Variants in KIAA1328 observed in about 807,000 individuals in gnomAD.
KIAA1328 encodes KIAA1328, also known as protein hinderin.
Under a neutral mutation model 68.1 loss-of-function variants are expected in KIAA1328, and 52 were observed. That is an observed-to-expected ratio of 0.76 (90% CI 0.61 to 0.96). KIAA1328 has a LOEUF of 0.96. Ranked by LOEUF, KIAA1328 falls within the 40% of genes least tolerant of loss-of-function variation. The probability of loss-of-function intolerance (pLI) is 0.00; values close to 1 mark genes in which losing one functional copy is unlikely to be tolerated. For missense variants in KIAA1328, 641 were observed against 677.6 expected (o/e 0.95, Z 0.60); for synonymous variants, 232 against 239.4 (o/e 0.97, Z 0.28).
At chr18:37,186,094 CT>C (rs748423012) in intron 9 of KIAA1328, among the ~76,000 whole-genome samples, 1,047 of 90,444 alleles carry the variant, frequency 0.012, 5 homozygotes, top group South Asian at 0.014. Context: ...TCAAGGATGT[CT>C]TTTTTTTTTT....
intron 7 of KIAA1328, among the ~76,000 whole-genome samples, chr18:37,105,916 CAAAAAAA>C (rs58940699): frequency 0.11 from 2,055 of 19,348 alleles, 50 homozygotes; most frequent in African/African-American, 0.23. Context: ...GACTCTGTGT[CAAAAAAA>C]AAAAAAAAAA....
At chr18:36,928,537 T>C (rs2050202195) in intron 5 of KIAA1328, among the ~76,000 whole-genome samples, 1 of 152,220 alleles carries the variant, frequency 6.6e-6, no homozygotes, top group South Asian at 2.1e-4. Context: ...TTTTCAAGTC[T>C]CACAAATGTG....
intron 9 of KIAA1328, among the ~76,000 whole-genome samples, chr18:37,179,555 G>A (rs1220294848): frequency 6.6e-6 from 1 of 152,140 alleles, no homozygotes; most frequent in Admixed American, 6.5e-5. Flanking sequence ...TCACAAGGCA[G>A]CTGTTTAAAC....
At chr18:37,203,502 T>A in intron 9 of KIAA1328, among the ~76,000 whole-genome samples, 1 of 152,316 alleles carries the variant, frequency 6.6e-6, no homozygotes, top group South Asian at 2.1e-4. Context: ...ATATAGAATG[T>A]TTCTATTTTT....
intron 6 of KIAA1328, among the ~76,000 whole-genome samples, chr18:37,042,048 T>TTTTG (rs755739008): frequency 9.9e-5 from 15 of 151,950 alleles, no homozygotes; most frequent in South Asian, 6.3e-4. Flanking sequence ...ACCTACCTAA[T>TTTTG]TTTGTTTGTT....
intron 5 of KIAA1328, among the ~76,000 whole-genome samples, chr18:36,933,598 T>A (rs143089827): frequency 6.6e-6 from 1 of 152,368 alleles, no homozygotes; most frequent in Non-Finnish European, 1.5e-5. Flanking sequence ...ACTTCTGAGC[T>A]GCACAATGCA....
intron 7 of KIAA1328, chr18:37,084,518 G>A (rs2057044991): frequency 5.5e-6 from 1 of 181,534 alleles, no homozygotes; most frequent in Admixed American, 6.8e-5. Flanking sequence ...TCTATATTGA[G>A]TATTAAGGAT....
intron 5 of KIAA1328, among the ~76,000 whole-genome samples, chr18:36,944,448 G>A (rs1026248894): frequency 1.3e-5 from 2 of 152,110 alleles, no homozygotes; most frequent in Non-Finnish European, 2.9e-5. Flanking sequence ...GCATGGTGGC[G>A]GGCGCCTCTG....
chr18:36,975,337 T>C (rs899776475), intron 6 of KIAA1328, among the ~76,000 whole-genome samples: 2 of 151,830 alleles, frequency 1.3e-5, no homozygotes, highest in African/African-American at 4.8e-5. Flanking sequence ...CGCCCGCCAC[T>C]ACGCCTGGCT....
chr18:36,950,666 C>T (rs182280750), intron 5 of KIAA1328, among the ~76,000 whole-genome samples: 12 of 152,158 alleles, frequency 7.9e-5, no homozygotes, highest in Non-Finnish European at 1.5e-4. Context: ...CTAGGCAGAA[C>T]GTTATGCCTA....
At chr18:37,106,258 G>A (rs1254727560) in intron 7 of KIAA1328, among the ~76,000 whole-genome samples, 1 of 152,032 alleles carries the variant, frequency 6.6e-6, no homozygotes, top group African/African-American at 2.4e-5. Context: ...TCATTTGTAT[G>A]AAATGTCCAG....
At chr18:36,834,033 A>G (rs2046588793) in intron 1 of KIAA1328, among the ~76,000 whole-genome samples, 1 of 152,236 alleles carries the variant, frequency 6.6e-6, no homozygotes, top group South Asian at 2.1e-4. Context: ...GAGAGTGGAT[A>G]AAAGTTTCAT....
downstream of KIAA1328, among the ~76,000 whole-genome samples, chr18:37,228,501 C>A (rs2060650609): frequency 6.6e-6 from 1 of 152,082 alleles, no homozygotes. Flanking sequence ...AACATCAAGG[C>A]AAGACCCTCA....
Position 37,179,112 on chromosome 18 carries a change from CTT to C in KIAA1328, c.1523+6034_1523+6035del, listed in dbSNP as rs150837270. Among the ~76,000 whole-genome samples, 283 of 152,248 alleles carry C rather than the reference CTT, an allele frequency of 1.9e-3. 4 individuals carry two copies. Among genetic ancestry groups the C allele is most frequent in the African/African-American group, 6.6e-3 (276 of 41,546 alleles). Reference sequence around the variant, plus strand: ...TCTATTTTTGCTTTTGTTGCCTGTGCTTTTGAGGCTATATCCAGGAAAGCATT... The same window carrying C: ...TCTATTTTTGCTTTTGTTGCCTGTGCTTGAGGCTATATCCAGGAAAGCATT... On this transcript the variant is annotated intron_variant, in intron 9 of 9. Coordinates refer to ENST00000280020, the MANE Select transcript of KIAA1328 (RefSeq NM_020776.3).
At chr18:37,028,089 A>C (rs1475567922) in intron 6 of KIAA1328, among the ~76,000 whole-genome samples, 1 of 152,206 alleles carries the variant, frequency 6.6e-6, no homozygotes, top group African/African-American at 2.4e-5. Context: ...TTATGCAGCC[A>C]ACAGACACAT....
At chr18:37,168,473 A>C (rs913225765) in intron 8 of KIAA1328, among the ~76,000 whole-genome samples, 2 of 152,252 alleles carry the variant, frequency 1.3e-5, no homozygotes, top group African/African-American at 4.8e-5. Flanking sequence ...ATGTCCCTCA[A>C]TAGCAGAAGG....
intron 6 of KIAA1328, among the ~76,000 whole-genome samples, chr18:37,011,809 G>A (rs1182250802): frequency 2.0e-5 from 3 of 152,088 alleles, no homozygotes; most frequent in Admixed American, 6.6e-5. Flanking sequence ...TGGAGGAGAG[G>A]TTGATTACAC....
intron 5 of KIAA1328, among the ~76,000 whole-genome samples, chr18:36,906,275 T>C (rs1172631568): frequency 6.6e-6 from 1 of 152,200 alleles, no homozygotes; most frequent in Non-Finnish European, 1.5e-5. Flanking sequence ...CAAAGTGTTA[T>C]GTATTCACCA....
intron 5 of KIAA1328, among the ~76,000 whole-genome samples, chr18:36,957,503 T>C (rs145654616): frequency 1.3e-5 from 2 of 152,292 alleles, no homozygotes; most frequent in Non-Finnish European, 2.9e-5. Flanking sequence ...TATTTTCATC[T>C]TGAACAACTG....
Sources: gnomAD v4.1 joint callset for allele counts (sites outside exome capture counted in the v4.1 genomes callset) on GRCh38, gnomAD v4.1.1 for gene constraint, MANE v1.5 for transcripts, NCBI Gene and HGNC (gene_info 2026-07-23, HGNC 2026-07-21) for gene names.